ZRANB3: variants seen among roughly 807,000 people sequenced by gnomAD.
ZRANB3 encodes DNA annealing helicase and endonuclease ZRANB3.
ZRANB3 carries 125 observed loss-of-function variants against 133.8 expected under a neutral mutation model. That is an observed-to-expected ratio of 0.93 (90% CI 0.81 to 1.08). The LOEUF (loss-of-function observed/expected upper bound fraction) is 1.08, where lower values mean the gene tolerates loss of function less well. ZRANB3 is among the 50% of genes least tolerant of loss of function. ZRANB3 has a pLI of 0.00. For synonymous variants in ZRANB3, 387 were observed against 432.7 expected (o/e 0.89, Z 1.31); for missense variants, 1,229 against 1,275.5 (o/e 0.96, Z 0.56).
At chr2:135,284,162 C>A (rs962503215) in intron 8 of ZRANB3, among the ~76,000 whole-genome samples, 16 of 152,158 alleles carry the variant, frequency 1.1e-4, no homozygotes, top group African/African-American at 3.6e-4. Flanking sequence ...GAGAAAGTCA[C>A]TTAATCTCTG....
At chr2:135,200,484 C>G in intron 20 of ZRANB3, 44 bp from the exon 21 acceptor site, 3 of 1,466,032 alleles carry the variant, frequency 2.0e-6, no homozygotes, top group Non-Finnish European at 1.9e-6. Context: ...AGGAAAAAAG[C>G]ACCGGCTACA....
intron 8 of ZRANB3, 45 bp downstream of exon 8, chr2:135,313,444 A>G: frequency 7.9e-7 from 1 of 1,262,188 alleles, no homozygotes; most frequent in South Asian, 1.3e-5. Flanking sequence ...AAGACATTGA[A>G]TAATTTGTAT....
intron 19 of ZRANB3, among the ~76,000 whole-genome samples, chr2:135,204,664 CAT>C (rs898378391): frequency 2.5e-4 from 33 of 134,436 alleles, no homozygotes; most frequent in African/African-American, 5.3e-4. Flanking sequence ...TATATATATA[CAT>C]ATATATATAT....
rs1293471307 is a variant in ZRANB3, at chr2:135,200,379, T to C, written c.3203A>G (p.His1068Arg). The C allele has an allele frequency of 2.5e-6, 4 of 1,606,768 alleles. No homozygotes were observed. The highest frequency in any genetic ancestry group is 3.4e-6 in the Non-Finnish European group (4 of 1,176,294). The change falls in exon 21 of 21, where the codon CAT becomes CGT. Residue 1068 changes from histidine to arginine, a missense_variant. By Grantham distance (29) the His-to-Arg change is conservative. Coordinates refer to ENST00000264159, the MANE Select transcript of ZRANB3 (RefSeq NM_032143.4). ...CAAAAATCGTGTGATGTCTGATCCA[T>C]GCTTTGATGCTAGAGATTGTCTTCT... The part of the protein sequence containing the change: ...QVRRQSLASK[H>R]GSDITRFLVK...
chr2:135,324,872 T>C (rs1400105286), intron 6 of ZRANB3, among the ~76,000 whole-genome samples: 1 of 152,190 alleles, frequency 6.6e-6, no homozygotes, highest in Non-Finnish European at 1.5e-5. Context: ...GCTGCATAAA[T>C]GTCTTCTTTT....
intron 12 of ZRANB3, among the ~76,000 whole-genome samples, chr2:135,231,529 A>G (rs1405298492): frequency 1.3e-5 from 2 of 152,138 alleles, no homozygotes; most frequent in Non-Finnish European, 2.9e-5. Context: ...GGAGGCTGAT[A>G]TGGCAGGACT....
At chr2:135,257,628 G>A (rs755629082) in intron 12 of ZRANB3, among the ~76,000 whole-genome samples, 2 of 152,172 alleles carry the variant, frequency 1.3e-5, no homozygotes, top group African/African-American at 4.8e-5. Context: ...TGGGTGTGAT[G>A]TGATAATCTC....
At chr2:135,485,844 G>A (rs140385570) in intron 2 of ZRANB3, among the ~76,000 whole-genome samples, 35 of 152,296 alleles carry the variant, frequency 2.3e-4, no homozygotes, top group African/African-American at 6.5e-4. Context: ...ACATGTGATC[G>A]TTTAGAGAGT....
chr2:135,347,850 T>A (rs1005164943), intron 5 of ZRANB3, among the ~76,000 whole-genome samples: 2 of 152,106 alleles, frequency 1.3e-5, no homozygotes, highest in South Asian at 4.1e-4. Context: ...TAGTTGCATA[T>A]GACTATGTTA....
chr2:135,299,226 T>C (rs1682316440), intron 8 of ZRANB3, among the ~76,000 whole-genome samples: 1 of 152,084 alleles, frequency 6.6e-6, no homozygotes. Context: ...AATGGACTTA[T>C]GTTCCTAGGG....
At chr2:135,309,625 C>T (rs1246569688) in intron 8 of ZRANB3, among the ~76,000 whole-genome samples, 1 of 151,858 alleles carries the variant, frequency 6.6e-6, no homozygotes, top group Non-Finnish European at 1.5e-5. Flanking sequence ...TTAAAAAATG[C>T]CATTTACAGG....
chr2:135,485,214 A>T (rs1186009659), intron 2 of ZRANB3, among the ~76,000 whole-genome samples: 1 of 149,874 alleles, frequency 6.7e-6, no homozygotes, highest in Non-Finnish European at 1.5e-5. Context: ...ATAACATAAC[A>T]GCCAAACACA....
At chr2:135,444,991 T>C (rs953248389) in intron 2 of ZRANB3, among the ~76,000 whole-genome samples, 2 of 152,114 alleles carry the variant, frequency 1.3e-5, no homozygotes, top group Admixed American at 6.6e-5. Flanking sequence ...GGTGTTATGG[T>C]TAGCATGAAA....
At chr2:135,269,456 ATACTT>A (rs1288402817) in intron 10 of ZRANB3, among the ~76,000 whole-genome samples, 2 of 152,158 alleles carry the variant, frequency 1.3e-5, no homozygotes, top group Non-Finnish European at 1.5e-5. Flanking sequence ...ATCTAATAAA[ATACTT>A]TATAAATGAG....
intron 2 of ZRANB3, among the ~76,000 whole-genome samples, chr2:135,420,979 G>T (rs1251175844): frequency 6.6e-6 from 1 of 152,032 alleles, no homozygotes; most frequent in Non-Finnish European, 1.5e-5. Context: ...ATTAAAAATA[G>T]TAAACACCGA....
intron 19 of ZRANB3, among the ~76,000 whole-genome samples, chr2:135,204,650 A>ATAT (rs567942234): frequency 0.032 from 4,580 of 141,720 alleles, 139 homozygotes; most frequent in South Asian, 0.12. Context: ...AAAAAAAAAA[A>ATAT]ATATATATAT....
At chr2:135,229,137 T>A (rs1244397333) in intron 13 of ZRANB3, among the ~76,000 whole-genome samples, 2 of 152,180 alleles carry the variant, frequency 1.3e-5, no homozygotes, top group African/African-American at 4.8e-5. Context: ...GGAATAAGCA[T>A]GTGATTCCAA....
chr2:135,508,969 A>T (rs1693322159), intron 1 of ZRANB3, among the ~76,000 whole-genome samples: 1 of 151,956 alleles, frequency 6.6e-6, no homozygotes, highest in Non-Finnish European at 1.5e-5. Flanking sequence ...GGTTTTATTC[A>T]ATATATATAT....
Position 135,406,670 on chromosome 2 carries a change from C to T in ZRANB3, c.162-15850G>A, listed in dbSNP as rs145243772. On this transcript the variant is annotated intron_variant, in intron 2 of 20. Coordinates refer to ENST00000264159, the MANE Select transcript of ZRANB3 (RefSeq NM_032143.4). ...TGGGATGCAAGGTTGGTTCAACATACGAAAATCAATGAATGTAATCCAGCA... is the reference window on the plus strand; with the variant it reads ...TGGGATGCAAGGTTGGTTCAACATATGAAAATCAATGAATGTAATCCAGCA... Among the ~76,000 whole-genome samples the T allele has an allele frequency of 5.5e-4, 83 of 152,224 alleles. 1 individual carries two copies. The East Asian group carries it at 0.011, about 20-fold the overall frequency.
Sources: allele counts gnomAD v4.1 joint callset (sites outside exome capture counted in the v4.1 genomes callset), GRCh38; gene constraint gnomAD v4.1.1; transcripts MANE v1.5; gene names NCBI Gene and HGNC (gene_info 2026-07-23, HGNC 2026-07-21).